DMD: variants seen among roughly 807,000 people sequenced by gnomAD.
DMD encodes the protein dystrophin, also known as mutant dystrophin.
In DMD, 63 loss-of-function variants were observed where a neutral mutation model predicts 330.1. That is an observed-to-expected ratio of 0.19 (90% CI 0.16 to 0.24). The LOEUF is 0.24. Among genes scored for constraint, DMD ranks in the 10% least tolerant of loss-of-function variants. DMD has a pLI of 1.00. For synonymous variants in DMD, 1,223 were observed against 959.8 expected, an observed-to-expected ratio of 1.27 and a Z score of -5.07; for missense variants, 3,344 against 2,684.1, an observed-to-expected ratio of 1.25 and a Z score of -5.43.
At chrX:31,640,193 T>C (rs2079649769) in intron 54 of DMD, among the ~76,000 whole-genome samples, 1 of 111,890 alleles carries the variant, frequency 8.9e-6, no homozygotes, top group Non-Finnish European at 1.9e-5. Flanking sequence ...CATCATCATA[T>C]CTTAAGACTC....
At chrX:33,017,822 G>T (rs1455889001) in intron 2 of DMD, among the ~76,000 whole-genome samples, 1 of 111,531 alleles carries the variant, frequency 9.0e-6, no homozygotes, top group Non-Finnish European at 1.9e-5. Flanking sequence ...CCAAATAACT[G>T]TGTAGGTTCC....
chrX:31,242,364 T>C (rs908786118), intron 63 of DMD, among the ~76,000 whole-genome samples: 8 of 109,221 alleles, frequency 7.3e-5, no homozygotes, highest in African/African-American at 1.0e-4. Flanking sequence ...CCTTTGTTTA[T>C]GCTGCTACAC....
chrX:31,442,391 G>C (rs909391094), intron 60 of DMD, among the ~76,000 whole-genome samples: 4 of 110,969 alleles, frequency 3.6e-5, no homozygotes, highest in African/African-American at 1.3e-4. Context: ...TGCTCTTTTC[G>C]CTATATCATA....
chrX:33,148,897 G>T (rs2048151196), intron 1 of DMD, among the ~76,000 whole-genome samples: 1 of 110,386 alleles, frequency 9.1e-6, no homozygotes, highest in Non-Finnish European at 1.9e-5. Flanking sequence ...TTTCTTCACT[G>T]GGGAGGTAAA....
At chrX:33,275,437 C>A (rs1047874176) in intron 1 of DMD, among the ~76,000 whole-genome samples, 3 of 111,627 alleles carry the variant, frequency 2.7e-5, no homozygotes, top group African/African-American at 9.8e-5. Context: ...TAATACTAAG[C>A]AAAAGTTCAG....
intron 2 of DMD, among the ~76,000 whole-genome samples, chrX:32,984,674 G>A (rs1249597408): frequency 1.8e-5 from 2 of 111,844 alleles, no homozygotes; most frequent in African/African-American, 6.5e-5. Flanking sequence ...CATATAGTAA[G>A]CACTTCCATA....
intron 77 of DMD, among the ~76,000 whole-genome samples, chrX:31,130,735 T>C (rs1056941965): frequency 2.7e-5 from 3 of 111,769 alleles, no homozygotes; most frequent in African/African-American, 9.7e-5. Context: ...ATAAGGCACT[T>C]GACTTTTCTT....
chrX:32,879,759 A>G (rs2083728056), intron 2 of DMD, among the ~76,000 whole-genome samples: 1 of 111,615 alleles, frequency 9.0e-6, no homozygotes, highest in Non-Finnish European at 1.9e-5. Context: ...TCAGCTGGAA[A>G]TCAAGACCTT....
intron 44 of DMD, among the ~76,000 whole-genome samples, chrX:32,081,444 T>C (rs1013455852): frequency 1.8e-5 from 2 of 112,446 alleles, no homozygotes; most frequent in African/African-American, 6.5e-5. Context: ...AAGGCTGTTA[T>C]TGGGCCTGCA....
intron 7 of DMD, among the ~76,000 whole-genome samples, chrX:32,721,735 G>A (rs59602973): frequency 0.015 from 1,647 of 110,841 alleles, 32 homozygotes; most frequent in African/African-American, 0.049. Flanking sequence ...CTGAAATTTT[G>A]ATGTGATATT....
intron 77 of DMD, among the ~76,000 whole-genome samples, chrX:31,127,125 T>C (rs1454454694): frequency 8.9e-6 from 1 of 112,419 alleles, no homozygotes; most frequent in Admixed American, 9.4e-5. Context: ...AAATGCAAGG[T>C]AGAACCCGAC....
Position 31,843,383 on chromosome X carries a change from T to C in DMD, c.7099-6564A>G, listed in dbSNP as rs933583590. Among the ~76,000 whole-genome samples, 19 of 111,692 alleles carry C rather than the reference T, an allele frequency of 1.7e-4. No homozygotes were observed. In the East Asian group the frequency reaches 5.4e-3, roughly 32 times the overall value. ...TGCAGCCTCACCAACATCTATTGTG[T>C]TTTGAGTTTTTGATAATAGGCATTC... On this transcript the variant is annotated intron_variant, in intron 48 of 78. Transcript: ENST00000357033.
intron 42 of DMD, among the ~76,000 whole-genome samples, chrX:32,294,154 C>T (rs758815465): frequency 1.8e-5 from 2 of 112,135 alleles, no homozygotes; most frequent in South Asian, 7.4e-4. Context: ...CTGTCTCCAT[C>T]ATTCTTGCTT....
intron 67 of DMD, among the ~76,000 whole-genome samples, chrX:31,203,009 C>T (rs938005662): frequency 2.7e-5 from 3 of 111,773 alleles, no homozygotes; most frequent in African/African-American, 6.5e-5. Flanking sequence ...AGGCCAGGCA[C>T]GGTGGCTTAC....
At chrX:32,088,548 A>T (rs5927934) in intron 44 of DMD, among the ~76,000 whole-genome samples, 1 of 110,296 alleles carries the variant, frequency 9.1e-6, no homozygotes, top group East Asian at 2.8e-4. Flanking sequence ...ATCATAAGCT[A>T]AATAAGTGGG....
chrX:32,485,358 G>A (rs1009229917), intron 20 of DMD, among the ~76,000 whole-genome samples: 7 of 110,344 alleles, frequency 6.3e-5, no homozygotes, highest in African/African-American at 9.9e-5. Context: ...AGCATTAATG[G>A]GTATGAATGC....
At chrX:31,758,356 C>A (rs2089298793) in intron 51 of DMD, among the ~76,000 whole-genome samples, 1 of 111,055 alleles carries the variant, frequency 9.0e-6, no homozygotes, top group Admixed American at 9.6e-5. Flanking sequence ...CTGACTTTCG[C>A]AAAACCATCT....
At chrX:32,654,797 G>C (rs749017404) in intron 9 of DMD, among the ~76,000 whole-genome samples, 3 of 111,014 alleles carry the variant, frequency 2.7e-5, no homozygotes, top group African/African-American at 6.6e-5. Flanking sequence ...TTTTTTGGTT[G>C]GTAGGCTATT....
intron 50 of DMD, among the ~76,000 whole-genome samples, chrX:31,814,305 C>A (rs972022151): frequency 2.8e-5 from 3 of 106,667 alleles, no homozygotes; most frequent in East Asian, 5.9e-4. Flanking sequence ...CACAGTGAAA[C>A]CCCGTCTCTA....
Sources: gnomAD v4.1 joint callset for allele counts (sites outside exome capture counted in the v4.1 genomes callset) on GRCh38, gnomAD v4.1.1 for gene constraint, MANE v1.5 for transcripts, NCBI Gene and HGNC (gene_info 2026-07-23, HGNC 2026-07-21) for gene names.